The following PPP4R1 variants were observed in gnomAD, a reference collection of about 807,000 sequenced individuals.
PPP4R1 encodes the protein protein phosphatase 4 regulatory subunit 1.
A neutral mutation model predicts 111.2 loss-of-function variants in PPP4R1; 42 were observed. That is an observed-to-expected ratio of 0.38 (90% CI 0.29 to 0.49). The LOEUF (loss-of-function observed/expected upper bound fraction) is 0.49, where lower values mean the gene tolerates loss of function less well. PPP4R1 is among the 20% of genes least tolerant of loss of function. The pLI, the probability that PPP4R1 is intolerant of heterozygous loss-of-function variation, is 0.97. For synonymous variants in PPP4R1, 409 were observed against 405.5 expected, an observed-to-expected ratio of 1.01 and a Z score of -0.10; for missense variants, 1,012 against 1,161.6, an observed-to-expected ratio of 0.87 and a Z score of 1.87.
intron 4 of PPP4R1, among the ~76,000 whole-genome samples, chr18:9,593,180 AAT>A (rs1250046909): frequency 2.6e-5 from 4 of 152,150 alleles, no homozygotes; most frequent in African/African-American, 9.7e-5. Flanking sequence ...CAAGTATAAA[AAT>A]ATGTTTAATA....
At chr18:9,574,189 G>A (rs2066903962) in intron 10 of PPP4R1, among the ~76,000 whole-genome samples, 1 of 152,162 alleles carries the variant, frequency 6.6e-6, no homozygotes, top group Non-Finnish European at 1.5e-5. Flanking sequence ...AAGAGACGTA[G>A]GTATCAAGAG....
rs1475596391 is a variant in PPP4R1, at chr18:9,564,737, T to TGTGTGG, written c.1574-1188_1574-1187insCCACAC. On this transcript the variant is annotated intron_variant, in intron 11 of 19. Transcript: ENST00000400556. Reference sequence around the variant, plus strand: ...GTGTGTGTGTGTGTGTGTGTGTGTGTGGGGGTATCATCCCCCATCCATTCT... The same window carrying TGTGTGG: ...GTGTGTGTGTGTGTGTGTGTGTGTGTGTGTGGGGGGGTATCATCCCCCATCCATTCT... Among the ~76,000 whole-genome samples the TGTGTGG allele has an allele frequency of 9.2e-3, 624 of 67,974 alleles. 4 individuals are homozygous for TGTGTGG. Among genetic ancestry groups the TGTGTGG allele is most frequent in the African/African-American group, 0.019 (248 of 13,328 alleles). 44.6% of individuals were successfully genotyped at this position (67,974 alleles called of 152,430 possible).
intron 11 of PPP4R1, among the ~76,000 whole-genome samples, chr18:9,564,994 C>T (rs2066743085): frequency 6.6e-6 from 1 of 152,034 alleles, no homozygotes; most frequent in South Asian, 2.1e-4. Context: ...CAGGCACACA[C>T]CACCATGCTG....
Position 9,590,682 on chromosome 18 carries a change from C to T in PPP4R1, c.296-1829G>A, listed in dbSNP as rs184753437. On this transcript the variant is annotated intron_variant, in intron 4 of 19. Transcript: ENST00000400556. Reference sequence around the variant, plus strand: ...TCTTCCCAGTTGTGTCAACTGGCTACTCACATTAAAAAAAAAAATGAAACT... The same window carrying T: ...TCTTCCCAGTTGTGTCAACTGGCTATTCACATTAAAAAAAAAAATGAAACT... Among the ~76,000 whole-genome samples the T allele has an allele frequency of 6.4e-4, 97 of 151,724 alleles. 1 individual carries two copies. The Middle Eastern group carries it at 0.017, about 27-fold the overall frequency.
At position 9,563,363 on chromosome 18, in the gene PPP4R1, T is replaced by A; in HGVS notation, c.1746+15A>T. The A allele has an allele frequency of 6.3e-7, 1 of 1,596,440 alleles. No homozygotes were observed. Among genetic ancestry groups the A allele is most frequent in the Non-Finnish European group, 8.6e-7 (1 of 1,169,486 alleles). ...AACTACTCTCATTTGGTAAACACTT[T>A]ACTGAGTTTGTTACCTCAACAGCAT... On this transcript the variant is annotated intron_variant, in intron 12 of 19. Transcript: ENST00000400556.
At chr18:9,577,218 A>C in intron 9 of PPP4R1, 27 bp from the exon 10 acceptor site, 1 of 1,582,844 alleles carries the variant, frequency 6.3e-7, no homozygotes, top group Non-Finnish European at 8.6e-7. Context: ...GACAATAATA[A>C]AGGAATCATT....
chr18:9,591,858 G>A (rs1419601518), intron 4 of PPP4R1, among the ~76,000 whole-genome samples: 1 of 152,160 alleles, frequency 6.6e-6, no homozygotes, highest in African/African-American at 2.4e-5. Context: ...CTTGAGGCCA[G>A]AAGTTCCAGA....
chr18:9,575,709 G>T (rs1019554515), intron 10 of PPP4R1, among the ~76,000 whole-genome samples: 1 of 152,178 alleles, frequency 6.6e-6, no homozygotes, highest in African/African-American at 2.4e-5. Flanking sequence ...GGTCAGTGAA[G>T]TTTTACTGGA....
chr18:9,575,212 TGA>T lies in PPP4R1; in HGVS notation c.1046+1850_1046+1851del, dbSNP rs1341865435. 2.6e-5 allele frequency among the ~76,000 whole-genome samples: 4 copies of T among 152,242 alleles called. No individual in the cohort carries two copies. The East Asian group carries it at 5.8e-4, about 22-fold the overall frequency. On this transcript the variant is annotated intron_variant, in intron 10 of 19. Transcript: ENST00000400556. ...TTTGAAAAACCTGAATCTAAGAAAC[TGA>T]GAGAACTTTGAGGACAGGAACGAAG...
intron 9 of PPP4R1, among the ~76,000 whole-genome samples, chr18:9,577,551 G>A (rs888362682): frequency 2.6e-5 from 4 of 152,128 alleles, no homozygotes; most frequent in Non-Finnish European, 5.9e-5. Context: ...TGTGGTCCCA[G>A]CTACTCGGCA....
chr18:9,560,015 C>G (rs554222741), intron 13 of PPP4R1, among the ~76,000 whole-genome samples: 1 of 152,142 alleles, frequency 6.6e-6, no homozygotes, highest in Non-Finnish European at 1.5e-5. Context: ...AAAAACCAGC[C>G]AGGCACAGTG....
intron 9 of PPP4R1, among the ~76,000 whole-genome samples, chr18:9,579,106 A>G (rs2066984939): frequency 6.6e-6 from 1 of 152,220 alleles, no homozygotes; most frequent in Non-Finnish European, 1.5e-5. Context: ...TGACTTCTTC[A>G]GTGTTACCCT....
chr18:9,570,701 G>A lies in PPP4R1; in HGVS notation c.1047-18C>T. 2 of 1,494,160 alleles carry A rather than the reference G, an allele frequency of 1.3e-6. No individual in the cohort carries two copies. The highest frequency in any genetic ancestry group is 8.9e-7 in the Non-Finnish European group (1 of 1,126,412). 92.6% of individuals were successfully genotyped at this position (1,494,160 alleles called of 1,614,324 possible). On this transcript the variant is annotated intron_variant, in intron 10 of 19. Transcript: ENST00000400556. ...CTCTGGTCCTTTTATTGTTTTATTT[G>A]GTGGGAAAAAAACAATATGAAAGGA...
At chr18:9,588,902 A>T (rs769609035) in intron 4 of PPP4R1, 49 bp from the exon 5 acceptor site, 20 of 1,594,816 alleles carry the variant, frequency 1.3e-5, no homozygotes, top group Non-Finnish European at 1.7e-5. Context: ...TGCAGCAACA[A>T]AACCTTTATC....
upstream of PPP4R1, chr18:9,614,685 G>GCGCCCCGCCC (rs1213219509): frequency 1.4e-5 from 2 of 142,262 alleles, no homozygotes; most frequent in East Asian, 2.2e-4. The surrounding 1 kb of genome is among the most constrained non-coding windows in gnomAD (Gnocchi z 4.1). Context: ...GCCCCCGGCC[G>GCGCCCCGCCC]CGCCCCGCCC....
At chr18:9,587,980 G>A in intron 6 of PPP4R1, 109 bp downstream of exon 6, 1 of 1,376,868 alleles carries the variant, frequency 7.3e-7, no homozygotes, top group African/African-American at 1.4e-5. Context: ...GCCTCCCAAA[G>A]TGCTGGAATT....
chr18:9,581,969 T>C (rs2067036706), intron 9 of PPP4R1, among the ~76,000 whole-genome samples: 1 of 152,016 alleles, frequency 6.6e-6, no homozygotes, highest in Non-Finnish European at 1.5e-5. Flanking sequence ...AAATTGAAGG[T>C]GAAATAAGGA....
intron 2 of PPP4R1, among the ~76,000 whole-genome samples, chr18:9,611,430 TACCA>T (rs1324189098): frequency 6.6e-6 from 1 of 152,158 alleles, no homozygotes; most frequent in Non-Finnish European, 1.5e-5. Flanking sequence ...CTCAGTCCTT[TACCA>T]ACCATCTTGC....
chr18:9,586,331 T>A (rs1325733938), intron 6 of PPP4R1, among the ~76,000 whole-genome samples: 1 of 152,066 alleles, frequency 6.6e-6, no homozygotes, highest in Non-Finnish European at 1.5e-5. Flanking sequence ...TCGAGAATTA[T>A]AATACAGCAA....
Sources: allele counts gnomAD v4.1 joint callset (sites outside exome capture counted in the v4.1 genomes callset), GRCh38; gene constraint gnomAD v4.1.1; non-coding constraint Gnocchi (gnomAD v3.1); transcripts MANE v1.5; gene names NCBI Gene and HGNC (gene_info 2026-07-23, HGNC 2026-07-21).